The following TENM3 variants were observed in gnomAD, a reference collection of about 807,000 sequenced individuals.
The protein encoded by TENM3 is teneurin-3.
TENM3 carries 63 observed loss-of-function variants against 255.1 expected under a neutral mutation model. That is an observed-to-expected ratio of 0.25 (90% confidence interval 0.20 to 0.30). TENM3 has a LOEUF of 0.30. TENM3 is among the 10% of genes least tolerant of loss of function. TENM3 has a pLI of 1.00. For missense variants in TENM3, 2,929 were observed against 3,461.1 expected, an observed-to-expected ratio of 0.85 and a Z score of 3.86; for synonymous variants, 1,306 against 1,322.3, an observed-to-expected ratio of 0.99 and a Z score of 0.27.
At position 182,731,089 on chromosome 4, in the gene TENM3, A is replaced by G; in HGVS notation, c.2917A>G (p.Thr973Ala). The change falls in exon 16 of 28, where the codon ACC becomes GCC. Residue 973 changes from threonine (T) to alanine (A), a missense_variant. Thr to Ala is a moderately conservative substitution (Grantham distance 58). Around this residue, in one of 6 missense-constraint regions of TENM3, gnomAD observed 1,608 missense variants for 1,884.4 expected, o/e 0.85. Transcript: ENST00000511685. ...CATCATTGTGTCATCACCTTTATCC[A>G]CCTTTTTCAGATCTTCTCCTGAAGA... Reference protein sequence around the residue: ...NPIIVSSPLSTFFRSSPEDSP... With the variant: ...NPIIVSSPLSAFFRSSPEDSP... 1 of 1,613,858 alleles carries G rather than the reference A, an allele frequency of 6.2e-7. No individual in the cohort carries two copies. The highest frequency in any genetic ancestry group is 8.5e-7 in the Non-Finnish European group (1 of 1,179,840).
chr4:182,555,226 T>A (rs1289921637), intron 3 of TENM3, among the ~76,000 whole-genome samples: 2 of 152,198 alleles, frequency 1.3e-5, no homozygotes, highest in Non-Finnish European at 2.9e-5. Context: ...CATTTTTTTT[T>A]AATATCAGGC....
the TENM3 span, among the ~76,000 whole-genome samples, chr4:181,717,248 G>T: frequency 6.6e-6 from 1 of 152,160 alleles, no homozygotes; most frequent in Non-Finnish European, 1.5e-5. Flanking sequence ...ACAATTATTG[G>T]CAGGTCCCCA....
intron 4 of TENM3, among the ~76,000 whole-genome samples, chr4:182,621,691 T>C (rs866636249): frequency 0.61 from 37,621 of 61,812 alleles, 8,336 homozygotes; most frequent in South Asian, 0.66. Flanking sequence ...ATATATAATA[T>C]ATATTATATA....
intron 3 of TENM3, among the ~76,000 whole-genome samples, chr4:182,592,445 C>T (rs370403509): frequency 2.0e-5 from 3 of 152,184 alleles, no homozygotes; most frequent in Non-Finnish European, 2.9e-5. Flanking sequence ...ATGATGGAGC[C>T]GGGCATGGTG....
chr4:181,840,846 A>T, the TENM3 span, among the ~76,000 whole-genome samples: 1 of 152,300 alleles, frequency 6.6e-6, no homozygotes, highest in Non-Finnish European at 1.5e-5. Flanking sequence ...TCCACAAAGC[A>T]AAATCATAAC....
At position 182,486,722 on chromosome 4, in the gene TENM3, A is replaced by G. The variant is rs562278668; in HGVS notation, c.512-114202A>G. 2.0e-5 allele frequency among the ~76,000 whole-genome samples: 3 copies of G among 152,280 alleles called. No homozygotes were observed. The South Asian group carries it at 6.2e-4, about 32-fold the overall frequency. ...AGAGTTTCCATCTGGACTGTGTCTTACCTTCTCAGACAAGGGCATGAGGGT... is the reference window on the plus strand; with the variant it reads ...AGAGTTTCCATCTGGACTGTGTCTTGCCTTCTCAGACAAGGGCATGAGGGT... On this transcript the variant is annotated intron_variant, in intron 3 of 27. Coordinates refer to ENST00000511685, the MANE Select transcript of TENM3 (RefSeq NM_001080477.4).
chr4:182,075,282 T>C, the TENM3 span, among the ~76,000 whole-genome samples: 2,279 of 143,632 alleles, frequency 0.016, 54 homozygotes, highest in African/African-American at 0.056. Context: ...CACTGCAACC[T>C]CTGCCTCCTG....
chr4:182,003,414 C>A, the TENM3 span, among the ~76,000 whole-genome samples: 12 of 152,016 alleles, frequency 7.9e-5, no homozygotes, highest in African/African-American at 2.7e-4. Flanking sequence ...ATATATTATA[C>A]CCCATGGGTA....
the TENM3 span, among the ~76,000 whole-genome samples, chr4:181,551,262 A>T: frequency 6.6e-6 from 1 of 152,154 alleles, no homozygotes; most frequent in Non-Finnish European, 1.5e-5. Flanking sequence ...AATACAAAAA[A>T]CCTGAAGGAA....
chr4:182,225,446 G>A lies in TENM3; in HGVS notation c.-76+80692G>A, dbSNP rs573113464. Among the ~76,000 whole-genome samples, 11 of 152,264 alleles carry A rather than the reference G, an allele frequency of 7.2e-5. No individual in the cohort carries two copies. The South Asian group carries it at 8.3e-4, about 11-fold the overall frequency. On this transcript the variant is annotated intron_variant, in intron 1 of 2. Coordinates refer to the TENM3 transcript ENST00000512480. Reference sequence around the variant, plus strand: ...AGTGGCCCCGATGTTTGCACAGTCCGATGGGCAAAACAGAGCCTATTACCT... The same window carrying A: ...AGTGGCCCCGATGTTTGCACAGTCCAATGGGCAAAACAGAGCCTATTACCT...
At chr4:181,953,144 A>G in the TENM3 span, among the ~76,000 whole-genome samples, 1 of 152,166 alleles carries the variant, frequency 6.6e-6, no homozygotes, top group South Asian at 2.1e-4. Context: ...GTATTTACCA[A>G]TTGCTAAGTA....
intron 1 of TENM3, among the ~76,000 whole-genome samples, chr4:182,165,199 C>T (rs1461395585): frequency 6.6e-6 from 1 of 152,198 alleles, no homozygotes; most frequent in African/African-American, 2.4e-5. Flanking sequence ...TCCCTCATTT[C>T]TCCTCAGGAC....
Position 182,356,828 on chromosome 4 carries a change from T to A in TENM3, c.511+9899T>A, listed in dbSNP as rs539877308. Among the ~76,000 whole-genome samples the A allele has an allele frequency of 8.6e-5, 13 of 151,354 alleles. No individual in the cohort carries two copies. The South Asian group carries it at 2.5e-3, about 30-fold the overall frequency. Reference sequence around the variant, plus strand: ...GTGTGCTGCACCCACTAACTCGTCATCTAGCATTAGGTATATCTCCCAATG... The same window carrying A: ...GTGTGCTGCACCCACTAACTCGTCAACTAGCATTAGGTATATCTCCCAATG... On this transcript the variant is annotated intron_variant, in intron 3 of 27. Transcript: ENST00000511685.
chr4:181,793,105 G>A, the TENM3 span, among the ~76,000 whole-genome samples: 1 of 152,194 alleles, frequency 6.6e-6, no homozygotes, highest in African/African-American at 2.4e-5. Context: ...AGGAAGAGAT[G>A]TTCTGCTCTC....
chr4:182,567,103 G>A (rs1743863631), intron 3 of TENM3, among the ~76,000 whole-genome samples: 3 of 152,158 alleles, frequency 2.0e-5, no homozygotes, highest in African/African-American at 7.2e-5. Context: ...CATAATCTAT[G>A]CCCTGGAAAT....
At chr4:182,175,459 C>A (rs925620894) in intron 1 of TENM3, among the ~76,000 whole-genome samples, 1 of 151,894 alleles carries the variant, frequency 6.6e-6, no homozygotes, top group African/African-American at 2.4e-5. Flanking sequence ...AGGTAAGATT[C>A]CTCAGGGTGC....
the TENM3 span, among the ~76,000 whole-genome samples, chr4:182,132,660 T>G: frequency 6.6e-6 from 1 of 152,184 alleles, no homozygotes; most frequent in Non-Finnish European, 1.5e-5. Flanking sequence ...AATAAAGTAT[T>G]TTCTTTGTGG....
At chr4:182,091,343 C>CT in the TENM3 span, among the ~76,000 whole-genome samples, 1 of 152,146 alleles carries the variant, frequency 6.6e-6, no homozygotes, top group East Asian at 1.9e-4. Context: ...GAATGAGTTG[C>CT]AAGGGTGAAA....
At chr4:182,163,333 A>G (rs1751485424) in intron 1 of TENM3, among the ~76,000 whole-genome samples, 1 of 152,164 alleles carries the variant, frequency 6.6e-6, no homozygotes, top group Non-Finnish European at 1.5e-5. Flanking sequence ...GCCCAAACTC[A>G]GCATGGAAGC....
Sources: allele counts gnomAD v4.1 joint callset (sites outside exome capture counted in the v4.1 genomes callset), GRCh38; gene constraint gnomAD v4.1.1; regional missense constraint gnomAD v4.1.1; transcripts MANE v1.5; gene names NCBI Gene and HGNC (gene_info 2026-07-23, HGNC 2026-07-21).